The following RGL1 variants were observed in gnomAD, a reference collection of about 807,000 sequenced individuals.
The protein encoded by RGL1 is ral guanine nucleotide dissociation stimulator-like 1.
In RGL1, 24 loss-of-function variants were observed where a neutral mutation model predicts 95.2. That is an observed-to-expected ratio of 0.25 (90% CI 0.18 to 0.35). The LOEUF (loss-of-function observed/expected upper bound fraction) is 0.35. Ranked by LOEUF, RGL1 falls within the 10% of genes least tolerant of loss-of-function variation. The probability of loss-of-function intolerance (pLI) is 1.00; values close to 1 mark genes in which losing one functional copy is unlikely to be tolerated. For missense variants in RGL1, 715 were observed against 936.3 expected (o/e 0.76, Z 3.08); for synonymous variants, 329 against 344.9 (o/e 0.95, Z 0.51).
rs192798214 is a variant in RGL1 at position 183,842,877 on chromosome 1, C to T, written c.139-4689C>T. Among the ~76,000 whole-genome samples, 3 of 152,240 alleles carry T rather than the reference C, an allele frequency of 2.0e-5. No homozygotes were observed. In the East Asian group the frequency reaches 5.8e-4, roughly 29 times the overall value. ...AAAGTCTCTTAAAACACTTACAGAC[C>T]TATAGGAATCTTTTCTTGCAAAAAT... On this transcript the variant is annotated intron_variant, in intron 2 of 17. Coordinates refer to ENST00000360851, the MANE Select transcript of RGL1 (RefSeq NM_001297671.3).
intron 10 of RGL1, among the ~76,000 whole-genome samples, chr1:183,898,356 A>AACCC (rs80303730): frequency 0.31 from 47,772 of 151,826 alleles, 7,768 homozygotes; most frequent in East Asian, 0.49. Context: ...ATTTGTTCTA[A>AACCC]TCTAGCCATT....
chr1:183,921,977 C>T (rs931934742), intron 16 of RGL1, among the ~76,000 whole-genome samples: 1 of 152,206 alleles, frequency 6.6e-6, no homozygotes, highest in African/African-American at 2.4e-5. Flanking sequence ...AGCGTTCTCT[C>T]CATTTTAATA....
At chr1:183,766,495 A>T (rs1253133288) in intron 2 of RGL1, among the ~76,000 whole-genome samples, 1 of 152,228 alleles carries the variant, frequency 6.6e-6, no homozygotes, top group Non-Finnish European at 1.5e-5. Flanking sequence ...ACCCATATCA[A>T]GTTTTTCCTC....
chr1:183,693,503 G>A lies in RGL1; in HGVS notation c.-32-48623G>A, dbSNP rs114327970. On this transcript the variant is annotated intron_variant, in intron 1 of 18. Transcript: ENST00000304685. The stretch of plus-strand genomic sequence containing the variant: ...TTCCTCCCTCTCTTCTCTTTCTTTC[G>A]ATCATTCCTCCCCTCCTTACTCTCT... 2.4e-3 allele frequency among the ~76,000 whole-genome samples: 366 copies of A among 150,156 alleles called. 3 individuals carry two copies. The highest frequency in any genetic ancestry group is 8.4e-3 in the African/African-American group (342 of 40,752).
At chr1:183,789,031 TATACTGTA>T (rs1343747978) in intron 2 of RGL1, among the ~76,000 whole-genome samples, 7 of 152,256 alleles carry the variant, frequency 4.6e-5, no homozygotes, top group African/African-American at 1.7e-4. Flanking sequence ...GCTTAGCCTG[TATACTGTA>T]ATAGGAGGTT....
intron 3 of RGL1, among the ~76,000 whole-genome samples, chr1:183,854,558 GC>G (rs1365246611): frequency 1.3e-5 from 2 of 152,100 alleles, no homozygotes; most frequent in African/African-American, 4.8e-5. Flanking sequence ...CAGATATAAA[GC>G]TTGAAAATTT....
intron 2 of RGL1, among the ~76,000 whole-genome samples, chr1:183,809,499 GA>G (rs1267616820): frequency 6.6e-6 from 1 of 152,114 alleles, no homozygotes; most frequent in African/African-American, 2.4e-5. Flanking sequence ...TGGCAACTTT[GA>G]AAAACCAAAT....
At chr1:183,742,821 AT>A (rs1435940932) in intron 2 of RGL1, among the ~76,000 whole-genome samples, 1 of 152,074 alleles carries the variant, frequency 6.6e-6, no homozygotes, top group Admixed American at 6.6e-5. Context: ...TATTTTTATT[AT>A]GCGTTTGAGG....
intron 2 of RGL1, chr1:183,754,689 T>C: frequency 6.6e-6 from 1 of 152,238 alleles, no homozygotes; most frequent in East Asian, 1.9e-4. Context: ...ATTAGTCCTG[T>C]TGTTCCATAC....
At chr1:183,850,366 T>C (rs1026452467) in intron 3 of RGL1, among the ~76,000 whole-genome samples, 6 of 152,246 alleles carry the variant, frequency 3.9e-5, no homozygotes, top group African/African-American at 1.4e-4. Context: ...GACATTAACA[T>C]TTTTTGTGTA....
rs545639362 is a variant in RGL1 at position 183,697,241 on chromosome 1, C to A, written c.-32-44885C>A. Reference sequence around the variant, plus strand: ...CTTTCAAGTCTTTGCTTAGATGATACCTTATCAGTGAGGCCTTTCCCTCCC... The same window carrying A: ...CTTTCAAGTCTTTGCTTAGATGATAACTTATCAGTGAGGCCTTTCCCTCCC... On this transcript the variant is annotated intron_variant, in intron 1 of 18. Transcript: ENST00000304685. 1.3e-3 allele frequency among the ~76,000 whole-genome samples: 192 copies of A among 152,224 alleles called. 1 individual carries two copies. The highest frequency in any genetic ancestry group is 4.5e-3 in the African/African-American group (186 of 41,530).
At chr1:183,829,667 G>GTTGAA in intron 2 of RGL1, among the ~76,000 whole-genome samples, 1 of 151,950 alleles carries the variant, frequency 6.6e-6, no homozygotes, top group African/African-American at 2.4e-5. Flanking sequence ...ACTAAGTTGA[G>GTTGAA]TATCAAAGCT....
At chr1:183,684,345 G>A (rs138228209) in intron 1 of RGL1, among the ~76,000 whole-genome samples, 2 of 152,208 alleles carry the variant, frequency 1.3e-5, no homozygotes, top group Non-Finnish European at 2.9e-5. Flanking sequence ...CTTTGGATGG[G>A]GTTTTTGTGT....
At chr1:183,759,405 C>A (rs72733407) in intron 2 of RGL1, among the ~76,000 whole-genome samples, 1 of 152,242 alleles carries the variant, frequency 6.6e-6, no homozygotes, top group Non-Finnish European at 1.5e-5. Flanking sequence ...CAGATAAATA[C>A]TGTCTCCTGA....
intron 2 of RGL1, among the ~76,000 whole-genome samples, chr1:183,828,874 G>T (rs1437403407): frequency 6.6e-6 from 1 of 152,098 alleles, no homozygotes; most frequent in Non-Finnish European, 1.5e-5. Context: ...AATGGAAAAA[G>T]AATAAAATTT....
intron 1 of RGL1, among the ~76,000 whole-genome samples, chr1:183,718,118 C>T (rs533399536): frequency 4.6e-5 from 7 of 151,884 alleles, no homozygotes; most frequent in East Asian, 1.9e-4. Context: ...TGGTGGCACA[C>T]GTCTGTAGTC....
At chr1:183,859,255 A>G (rs1434770335) in intron 3 of RGL1, among the ~76,000 whole-genome samples, 5 of 152,232 alleles carry the variant, frequency 3.3e-5, no homozygotes, top group Admixed American at 2.0e-4. Context: ...GAGAAAAGAA[A>G]CGGATGACAG....
At chr1:183,778,154 G>A (rs1212746119) in intron 2 of RGL1, among the ~76,000 whole-genome samples, 1 of 152,136 alleles carries the variant, frequency 6.6e-6, no homozygotes, top group Non-Finnish European at 1.5e-5. Context: ...TTTTAGATGT[G>A]TATGTGGATT....
intron 1 of RGL1, among the ~76,000 whole-genome samples, chr1:183,697,130 G>T (rs1273374170): frequency 6.6e-6 from 1 of 152,016 alleles, no homozygotes; most frequent in Admixed American, 6.6e-5. Flanking sequence ...CAGTCTTTTT[G>T]CTGTTCTTAC....
Sources: gnomAD v4.1 joint callset for allele counts (sites outside exome capture counted in the v4.1 genomes callset) on GRCh38, gnomAD v4.1.1 for gene constraint, MANE v1.5 for transcripts, NCBI Gene and HGNC (gene_info 2026-07-23, HGNC 2026-07-21) for gene names.